NEK5: variants seen among roughly 807,000 people sequenced by gnomAD.
NEK5 encodes NIMA related kinase 5.
Under a neutral mutation model 109.2 loss-of-function variants are expected in NEK5, and 88 were observed. The observed-to-expected ratio is 0.81, with a 90% confidence interval of 0.68 to 0.96. NEK5 has a LOEUF of 0.96. Among genes scored for constraint, NEK5 ranks in the 40% least tolerant of loss-of-function variants. The pLI is 0.00. For missense variants in NEK5, 834 were observed against 920.7 expected, an observed-to-expected ratio of 0.91 and a Z score of 1.22; for synonymous variants, 283 against 299.9, an observed-to-expected ratio of 0.94 and a Z score of 0.58.
intron 12 of NEK5, among the ~76,000 whole-genome samples, chr13:52,098,821 T>C (rs1481681514): frequency 1.3e-5 from 2 of 152,206 alleles, no homozygotes; most frequent in Non-Finnish European, 2.9e-5. Context: ...AAACTAGAAG[T>C]TGTCCAACAA....
chr13:52,037,534 C>G (rs182935254), intron 23 of NEK5, among the ~76,000 whole-genome samples: 4 of 152,140 alleles, frequency 2.6e-5, no homozygotes, highest in Admixed American at 2.6e-4. Flanking sequence ...CCATCAATAT[C>G]CTAGGGTACT....
chr13:52,039,907 G>A (rs1260182016), intron 23 of NEK5, among the ~76,000 whole-genome samples: 5 of 151,952 alleles, frequency 3.3e-5, no homozygotes, highest in African/African-American at 1.2e-4. Context: ...AAGGGGTGGA[G>A]CCTTTAGGAG....
At chr13:52,089,526 G>T (rs74934774) in intron 13 of NEK5, among the ~76,000 whole-genome samples, 3,412 of 152,242 alleles carry the variant, frequency 0.022, 182 homozygotes, top group East Asian at 0.19. Context: ...AACAAGTGGG[G>T]ATACAGGAGA....
rs1009423696 is a variant in NEK5 at position 52,037,372 on chromosome 13, G to A, written c.2229-154C>T. On this transcript the variant is annotated intron_variant, in intron 23 of 23. Coordinates refer to ENST00000684899, the MANE Select transcript of NEK5 (RefSeq NM_001365552.1). ...CTAAGCATGATAAACAGCTAATGTT[G>A]GGAGAATCAGTCTTCTGTTGAGTTT... 4.3e-4 allele frequency among the ~76,000 whole-genome samples: 65 copies of A among 152,106 alleles called. 1 individual carries two copies. Among genetic ancestry groups the A allele is most frequent in the Admixed American group, 4.3e-3 (65 of 15,280 alleles).
At chr13:52,092,805 G>T (rs1276532305) in intron 13 of NEK5, among the ~76,000 whole-genome samples, 1 of 152,200 alleles carries the variant, frequency 6.6e-6, no homozygotes, top group African/African-American at 2.4e-5. Flanking sequence ...AGAATCGCTT[G>T]AACTCAGAAG....
intron 11 of NEK5, 23 bp from the exon 12 acceptor site, chr13:52,099,899 GC>G (rs1469826142): frequency 6.3e-7 from 1 of 1,598,592 alleles, no homozygotes; most frequent in Non-Finnish European, 8.6e-7. Flanking sequence ...AAATAAAACA[GC>G]TTCAATTTTT....
rs946108546 is a variant in NEK5 at position 52,055,346 on chromosome 13, G to C, written c.2111-5125C>G. Among the ~76,000 whole-genome samples, 7 of 152,294 alleles carry C rather than the reference G, an allele frequency of 4.6e-5. No individual in the cohort carries two copies. In the East Asian group the frequency reaches 5.8e-4, roughly 13 times the overall value. On this transcript the variant is annotated intron_variant, in intron 22 of 23. Coordinates refer to ENST00000684899, the MANE Select transcript of NEK5 (RefSeq NM_001365552.1). The stretch of plus-strand genomic sequence containing the variant: ...GATTGGTGTACCTGAAAGTGATGGG[G>C]AGAATGGAACCAAGTTGGAAAACAC...
At chr13:52,079,549 G>A (rs1445898085) in intron 17 of NEK5, among the ~76,000 whole-genome samples, 1 of 152,288 alleles carries the variant, frequency 6.6e-6, no homozygotes, top group East Asian at 1.9e-4. Flanking sequence ...TGATCCGCCA[G>A]CCTCAGCCTC....
intron 10 of NEK5, 21 bp downstream of exon 10, chr13:52,102,071 A>T: frequency 1.9e-6 from 3 of 1,612,442 alleles, no homozygotes; most frequent in Non-Finnish European, 2.5e-6. Context: ...CCAAAATCCA[A>T]ACAGTCACCT....
At chr13:52,056,933 G>T (rs1180547991) in intron 22 of NEK5, among the ~76,000 whole-genome samples, 1 of 151,962 alleles carries the variant, frequency 6.6e-6, no homozygotes, top group Non-Finnish European at 1.5e-5. Context: ...CAGAACGCAA[G>T]AAATAACTAA....
intron 8 of NEK5, among the ~76,000 whole-genome samples, chr13:52,105,985 C>T (rs1307387481): frequency 1.3e-5 from 2 of 152,044 alleles, no homozygotes; most frequent in Admixed American, 6.5e-5. Context: ...TAGGCATGAG[C>T]CACCATATCC....
chr13:52,103,794 T>G (rs1955591771), intron 9 of NEK5, among the ~76,000 whole-genome samples: 1 of 152,170 alleles, frequency 6.6e-6, no homozygotes. Context: ...CGATGAGCTT[T>G]CTTATAGATC....
At chr13:52,051,424 A>G (rs544772702) in intron 22 of NEK5, among the ~76,000 whole-genome samples, 1 of 152,340 alleles carries the variant, frequency 6.6e-6, no homozygotes, top group South Asian at 2.1e-4. Flanking sequence ...AAAAGGTGCC[A>G]TTCATCCCTC....
intron 8 of NEK5, among the ~76,000 whole-genome samples, chr13:52,106,797 G>A (rs112147457): frequency 0.017 from 2,527 of 151,834 alleles, 80 homozygotes; most frequent in African/African-American, 0.059. Context: ...CTGAGAACCA[G>A]ACTCTGATAT....
At position 52,112,323 on chromosome 13, in the gene NEK5, C is replaced by G. The variant is rs1035096069; in HGVS notation, c.257G>C (p.Gly86Ala). The G allele has an allele frequency of 6.2e-7, 1 of 1,611,142 alleles. No homozygotes were observed. Among genetic ancestry groups the G allele is most frequent in the Admixed American group, 1.7e-5 (1 of 59,986 alleles). The part of the protein sequence containing the change: ...LFIVMEYCDG[G>A]DLMKRINRQR... Reference sequence around the variant, plus strand: ...TCTATTGATCCTTTTCATGAGATCCCCTCCATCACAATATTCCATTACAAT... The same window carrying G: ...TCTATTGATCCTTTTCATGAGATCCGCTCCATCACAATATTCCATTACAAT... The change falls in exon 5 of 24, where the codon GGG (glycine) becomes GCG (alanine). Residue 86 changes from glycine (G) to alanine (A), a missense_variant. By Grantham distance (60) the Gly-to-Ala change is moderately conservative. Around this residue, in one of 2 missense-constraint regions of NEK5, gnomAD observed 777 missense variants for 824.7 expected, o/e 0.94. Transcript: ENST00000684899.
chr13:52,083,091 A>G (rs1955046685), intron 17 of NEK5, among the ~76,000 whole-genome samples, 169 bp downstream of exon 17: 1 of 152,060 alleles, frequency 6.6e-6, no homozygotes, highest in Admixed American at 6.5e-5. Flanking sequence ...CACTGCAGTG[A>G]GCCAAGATCG....
chr13:52,128,016 G>C (rs1275141158), intron 1 of NEK5, among the ~76,000 whole-genome samples: 1 of 152,100 alleles, frequency 6.6e-6, no homozygotes, highest in East Asian at 1.9e-4. Flanking sequence ...TGGGGCCTGA[G>C]ATGGTAGGAT....
chr13:52,110,506 G>T lies in NEK5; in HGVS notation c.384C>A (p.Asp128Glu). 6.2e-7 allele frequency: 1 copy of T among 1,611,526 alleles called. No homozygotes were observed. Among genetic ancestry groups the T allele is most frequent in the Non-Finnish European group, 8.5e-7 (1 of 1,177,868 alleles). Residue 128 changes from aspartate (D) to glutamate (E), a missense_variant, in exon 6 of 24, where the codon GAC (aspartate) becomes GAA (glutamate). Physicochemically the swap from Asp to Glu is conservative, Grantham distance 45 (BLOSUM62 2). Coordinates refer to ENST00000684899, the MANE Select transcript of NEK5 (RefSeq NM_001365552.1). ...TCTGAGCTGTTACCTGAGCTTTTAT[G>T]TCCCTGTGTAATATCTTCCTGTCAT... The part of the protein sequence containing the change: ...HIHDRKILHR[D>E]IKAQNIFLSK...
At chr13:52,041,355 A>G (rs1194061398) in intron 23 of NEK5, among the ~76,000 whole-genome samples, 3 of 152,196 alleles carry the variant, frequency 2.0e-5, no homozygotes, top group Non-Finnish European at 4.4e-5. Context: ...GACCATATAA[A>G]TATAAGAAAA....
Sources: gnomAD v4.1 joint callset for allele counts (sites outside exome capture counted in the v4.1 genomes callset) on GRCh38, gnomAD v4.1.1 for gene constraint, gnomAD v4.1.1 regional missense constraint, MANE v1.5 for transcripts, NCBI Gene and HGNC (gene_info 2026-07-23, HGNC 2026-07-21) for gene names.